Variants in CADM2 observed in about 807,000 individuals in gnomAD.
CADM2 encodes cell adhesion molecule 2.
A neutral mutation model predicts 49.8 loss-of-function variants in CADM2; 12 were observed. The ratio of observed to expected loss-of-function variants is 0.24; its 90% CI spans 0.15 to 0.39. CADM2 has a LOEUF of 0.39. Among genes scored for constraint, CADM2 ranks in the 10% least tolerant of loss-of-function variants. The probability of loss-of-function intolerance (pLI) is 1.00; values close to 1 mark genes in which losing one functional copy is unlikely to be tolerated. For synonymous variants in CADM2, 214 were observed against 175.4 expected, an observed-to-expected ratio of 1.22 and a Z score of -1.74; for missense variants, 378 against 492.3, an observed-to-expected ratio of 0.77 and a Z score of 2.20.
intron 1 of CADM2, among the ~76,000 whole-genome samples, chr3:85,397,829 T>A (rs895147745): frequency 6.6e-6 from 1 of 152,104 alleles, no homozygotes; most frequent in African/African-American, 2.4e-5. Context: ...TCACAACAGG[T>A]GAATATGTTT....
At position 85,077,365 on chromosome 3, in the gene CADM2, T is replaced by C. The variant is rs1053266369; in HGVS notation, c.61+117697T>C. Reference sequence around the variant, plus strand: ...AATGCTTTTATTTTTTTTCTTATTGTCATAAAATACCTTTACAGAGCAATA... The same window carrying C: ...AATGCTTTTATTTTTTTTCTTATTGCCATAAAATACCTTTACAGAGCAATA... On this transcript the variant is annotated intron_variant, in intron 1 of 9. Transcript: ENST00000383699. Among the ~76,000 whole-genome samples, 9 of 152,252 alleles carry C rather than the reference T, an allele frequency of 5.9e-5. No homozygotes were observed. In the South Asian group the frequency reaches 1.4e-3, roughly 25 times the overall value.
intron 1 of CADM2, among the ~76,000 whole-genome samples, chr3:85,298,072 A>G (rs2044009622): frequency 6.6e-6 from 1 of 152,062 alleles, no homozygotes; most frequent in Admixed American, 6.6e-5. Context: ...ATGTTAGGGG[A>G]AAAAATGAAC....
At chr3:85,470,373 A>C (rs567989453) in intron 1 of CADM2, among the ~76,000 whole-genome samples, 1 of 152,314 alleles carries the variant, frequency 6.6e-6, no homozygotes, top group African/African-American at 2.4e-5. Flanking sequence ...TAGCTTTCAA[A>C]AACTTAAAGA....
At chr3:85,317,491 GA>G (rs993161254) in intron 1 of CADM2, among the ~76,000 whole-genome samples, 2 of 151,902 alleles carry the variant, frequency 1.3e-5, no homozygotes, top group African/African-American at 4.8e-5. Context: ...AATTTATAAG[GA>G]AAAAAAATTA....
intron 1 of CADM2, among the ~76,000 whole-genome samples, chr3:85,311,669 C>T (rs1247700052): frequency 1.3e-5 from 2 of 152,130 alleles, no homozygotes; most frequent in Non-Finnish European, 2.9e-5. Flanking sequence ...AGCCACCACG[C>T]CCGGCCGCAT....
chr3:85,478,553 A>G (rs2039076656), intron 1 of CADM2, among the ~76,000 whole-genome samples: 1 of 151,836 alleles, frequency 6.6e-6, no homozygotes, highest in Admixed American at 6.6e-5. Context: ...AAAACTGACC[A>G]GAAAATAAAA....
chr3:85,611,249 GT>G (rs5850702), intron 1 of CADM2, among the ~76,000 whole-genome samples: 79,466 of 149,428 alleles, frequency 0.53, 23,448 homozygotes, highest in East Asian at 0.81. Context: ...TACTGCAAAT[GT>G]TTTTTTTTTT....
intron 2 of CADM2, among the ~76,000 whole-genome samples, chr3:85,735,664 G>T (rs73845630): frequency 6.6e-6 from 1 of 152,126 alleles, no homozygotes; most frequent in Non-Finnish European, 1.5e-5. Flanking sequence ...TCATAGCACT[G>T]GAGGTAAAGT....
At chr3:85,719,318 T>A (rs2067415361) in intron 1 of CADM2, among the ~76,000 whole-genome samples, 1 of 152,096 alleles carries the variant, frequency 6.6e-6, no homozygotes, top group African/African-American at 2.4e-5. Context: ...AAAGATGTGT[T>A]CAGAAATTGT....
In CADM2 at chr3:85,930,778, T is replaced by A. The variant is rs113806266; in HGVS notation, c.701-4989T>A. ...CCAGTTCCATCCATGTTGTTAAAAATGACTGGATCTCATTCTTTTTATGGT... is the reference window on the plus strand; with the variant it reads ...CCAGTTCCATCCATGTTGTTAAAAAAGACTGGATCTCATTCTTTTTATGGT... On this transcript the variant is annotated intron_variant, in intron 6 of 9. Transcript: ENST00000383699. Among the ~76,000 whole-genome samples the A allele has an allele frequency of 8.9e-4, 135 of 152,116 alleles. 1 individual carries two copies. Among genetic ancestry groups the A allele is most frequent in the African/African-American group, 3.2e-3 (131 of 41,556 alleles).
At chr3:85,289,445 A>G (rs75687133) in intron 1 of CADM2, among the ~76,000 whole-genome samples, 12,433 of 152,248 alleles carry the variant, frequency 0.082, 1,035 homozygotes, top group Admixed American at 0.25. Flanking sequence ...ACTTGACTCT[A>G]TGCTTGCAAT....
intron 5 of CADM2, among the ~76,000 whole-genome samples, chr3:85,894,544 G>C (rs909073588): frequency 4.6e-5 from 7 of 152,066 alleles, no homozygotes; most frequent in Admixed American, 3.9e-4. Flanking sequence ...CTGCAAAAAT[G>C]TGCATAAGTA....
At chr3:85,489,056 C>G (rs796542328) in intron 1 of CADM2, among the ~76,000 whole-genome samples, 1 of 151,934 alleles carries the variant, frequency 6.6e-6, no homozygotes, top group African/African-American at 2.4e-5. Flanking sequence ...AATTCCTACC[C>G]AAGTGTCACA....
At chr3:85,396,322 C>T (rs1002161979) in intron 1 of CADM2, among the ~76,000 whole-genome samples, 2 of 151,802 alleles carry the variant, frequency 1.3e-5, no homozygotes, top group Non-Finnish European at 2.9e-5. Context: ...ATCATCTTAG[C>T]ATTTACTGTG....
chr3:85,232,237 G>T (rs1161755911), intron 1 of CADM2, among the ~76,000 whole-genome samples: 1 of 151,842 alleles, frequency 6.6e-6, no homozygotes, highest in Non-Finnish European at 1.5e-5. Flanking sequence ...ATTAATAAAT[G>T]TTACTCTGAG....
intron 1 of CADM2, among the ~76,000 whole-genome samples, chr3:85,046,250 T>C (rs964144318): frequency 2.0e-5 from 3 of 151,832 alleles, no homozygotes; most frequent in African/African-American, 7.3e-5. Flanking sequence ...CCAAAATGCA[T>C]ACAAAGGTTC....
At chr3:85,237,788 G>A (rs2042440327) in intron 1 of CADM2, among the ~76,000 whole-genome samples, 1 of 151,620 alleles carries the variant, frequency 6.6e-6, no homozygotes, top group African/African-American at 2.4e-5. Context: ...ACTAGTTCAA[G>A]ATACATGTTG....
At chr3:85,995,859 G>A (rs547266236) in intron 8 of CADM2, among the ~76,000 whole-genome samples, 9 of 152,226 alleles carry the variant, frequency 5.9e-5, no homozygotes, top group Non-Finnish European at 1.2e-4. Flanking sequence ...GGAGGCCAAG[G>A]CGGGTGGATC....
chr3:85,547,832 T>G (rs2061703349), intron 1 of CADM2, among the ~76,000 whole-genome samples: 1 of 151,920 alleles, frequency 6.6e-6, no homozygotes, highest in Non-Finnish European at 1.5e-5. Flanking sequence ...GCAAAAATCT[T>G]AGCATGGAGA....
Sources: allele counts gnomAD v4.1 joint callset (sites outside exome capture counted in the v4.1 genomes callset), GRCh38; gene constraint gnomAD v4.1.1; transcripts MANE v1.5; gene names NCBI Gene and HGNC (gene_info 2026-07-23, HGNC 2026-07-21).